Variants in PCDHA2 observed in about 807,000 individuals in gnomAD.
PCDHA2 encodes protocadherin alpha-2.
In PCDHA2, 58 loss-of-function variants were observed where a neutral mutation model predicts 66.0. The observed-to-expected ratio is 0.88, with a 90% CI of 0.71 to 1.09. The LOEUF is 1.09. Among genes scored for constraint, PCDHA2 ranks in the 50% least tolerant of loss-of-function variants. The pLI is 0.00. For synonymous variants in PCDHA2, 634 were observed against 554.0 expected (o/e 1.14, Z -2.03); for missense variants, 1,267 against 1,242.3 (o/e 1.02, Z -0.30).
chr5:140,929,522 T>G, intron 1 of PCDHA2: 1 of 727,900 alleles, frequency 1.4e-6, no homozygotes. Context: ...GACTTATAGT[T>G]TATTTTTGAG....
At chr5:140,885,985 G>A (rs879977606) in intron 1 of PCDHA2, among the ~76,000 whole-genome samples, 3 of 152,110 alleles carry the variant, frequency 2.0e-5, no homozygotes, top group Admixed American at 2.0e-4. Context: ...AGATTCGCAT[G>A]TGGTTGAAAG....
chr5:140,824,610 G>GTTGTTTTTTTTTT (rs1768193318), intron 1 of PCDHA2: 13 of 95,104 alleles, frequency 1.4e-4, no homozygotes, highest in African/African-American at 5.8e-4. Context: ...GCTAATTAAA[G>GTTGTTTTTTTTTT]TTTTTTTTTT....
At chr5:140,869,775 C>A (rs2051402857) in intron 1 of PCDHA2, 5 of 1,612,980 alleles carry the variant, frequency 3.1e-6, no homozygotes, top group Non-Finnish European at 4.2e-6. Flanking sequence ...AGCTTACTGG[C>A]ACCGTTCGGC....
chr5:140,824,408 C>G (rs2150134357), intron 1 of PCDHA2: 1 of 535,032 alleles, frequency 1.9e-6, no homozygotes, highest in Non-Finnish European at 3.3e-6. Context: ...AATTGTAAGA[C>G]ATAGTTTGGA....
chr5:140,824,704 C>G (rs1241978054), intron 1 of PCDHA2: 1 of 144,904 alleles, frequency 6.9e-6, no homozygotes, highest in Non-Finnish European at 1.5e-5. Context: ...AAGCCATGCT[C>G]CCGTCTCAGC....
At chr5:140,953,932 C>T (rs1005245846) in intron 1 of PCDHA2, among the ~76,000 whole-genome samples, 1 of 152,060 alleles carries the variant, frequency 6.6e-6, no homozygotes, top group Admixed American at 6.6e-5. Flanking sequence ...CTGATGCTCT[C>T]CCTCCCATTG....
chr5:140,801,140 A>G, intron 1 of PCDHA2: 1 of 1,526,560 alleles, frequency 6.6e-7, no homozygotes, highest in Non-Finnish European at 8.8e-7. Context: ...AGGAACTCGA[A>G]TTATTTTTAA....
rs782692143 is a variant in PCDHA2 at position 140,796,820 on chromosome 5, G to C, written c.1856G>C (p.Arg619Pro). 5 of 1,614,132 alleles carry C rather than the reference G, an allele frequency of 3.1e-6. No homozygotes were observed. In the South Asian group the frequency reaches 4.4e-5, roughly 14 times the overall value. Residue 619 changes from arginine (R) to proline (P), a missense_variant, in exon 1 of 4, where the codon CGC becomes CCC. Coordinates refer to ENST00000526136, the MANE Select transcript of PCDHA2 (RefSeq NM_018905.3). Reference protein sequence around the residue: ...YELQLGTGSARIPFRVGLYTG... With the variant: ...YELQLGTGSAPIPFRVGLYTG... ...CTTCAGCTGGGTACTGGCAGCGCTC[G>C]CATCCCGTTCCGCGTGGGGCTATAC...
chr5:140,808,339 G>C, intron 1 of PCDHA2: 1 of 1,614,246 alleles, frequency 6.2e-7, no homozygotes, highest in East Asian at 2.2e-5. Context: ...TCAATGGGCT[G>C]GTCACCTGCT....
intron 1 of PCDHA2, chr5:140,929,010 G>C (rs1554206575): frequency 6.2e-7 from 1 of 1,614,128 alleles, no homozygotes; most frequent in Non-Finnish European, 8.5e-7. Flanking sequence ...TGTGTACCAA[G>C]TTGCACCAGA....
intron 1 of PCDHA2, among the ~76,000 whole-genome samples, chr5:140,890,099 A>G (rs1301934861): frequency 2.0e-5 from 3 of 152,086 alleles, no homozygotes; most frequent in African/African-American, 7.2e-5. Context: ...TTTATTCCCA[A>G]CTCTGGATTC....
intron 1 of PCDHA2, chr5:140,822,093 G>A: frequency 6.2e-7 from 1 of 1,614,262 alleles, no homozygotes; most frequent in South Asian, 1.1e-5. Flanking sequence ...TCCACCTGGA[G>A]GTGATCGTGG....
At chr5:140,935,894 C>CT (rs55841305) in intron 1 of PCDHA2, among the ~76,000 whole-genome samples, 11,084 of 136,696 alleles carry the variant, frequency 0.081, 520 homozygotes, top group Middle Eastern at 0.14. Context: ...TCAATATTAT[C>CT]TTTTTTTTTT....
rs781990926 is a variant in PCDHA2, at chr5:140,809,277, A to G, written c.2388+11925A>G. 3.7e-6 allele frequency: 6 copies of G among 1,614,112 alleles called. No individual in the cohort carries two copies. The East Asian group carries it at 6.7e-5, about 18-fold the overall frequency. On this transcript the variant is annotated intron_variant, in intron 1 of 3. Transcript: ENST00000526136. Reference sequence around the variant, plus strand: ...CCCGATGCTGCGCTGGTGGATGTCAACGTATACCTGATCATTGCCATCTGC... The same window carrying G: ...CCCGATGCTGCGCTGGTGGATGTCAGCGTATACCTGATCATTGCCATCTGC...
intron 1 of PCDHA2, chr5:140,871,041 T>G (rs782091626): frequency 6.2e-7 from 1 of 1,613,310 alleles, no homozygotes; most frequent in South Asian, 1.1e-5. Flanking sequence ...GCCACCGACT[T>G]CTAGTACTGG....
At position 140,830,439 on chromosome 5, in the gene PCDHA2, T is replaced by A. The variant is rs1771065522; in HGVS notation, c.2388+33087T>A. On this transcript the variant is annotated intron_variant, in intron 1 of 3. Coordinates refer to ENST00000526136, the MANE Select transcript of PCDHA2 (RefSeq NM_018905.3). ...AGCCTTTCACCTTGTCCTATTATGA[T>A]GGGTAAGGCGGAGAATCAGGATTTA... 1.9e-6 allele frequency: 3 copies of A among 1,611,160 alleles called. No individual in the cohort carries two copies. In the East Asian group the frequency reaches 6.7e-5, roughly 36 times the overall value.
Position 140,849,731 on chromosome 5 carries a change from T to C in PCDHA2, c.2388+52379T>C, listed in dbSNP as rs2150447251. 21,072 of 1,598,236 alleles carry C rather than the reference T, an allele frequency of 0.013. 2,656 individuals are homozygous for C. In the African/African-American group the frequency reaches 0.2, roughly 15 times the overall value. ...ACTACTCGTTGGTGCTGGACAGAGC[T>C]CTGGACCGCGAGAGTGTGTCCGCCT... is the stretch of plus-strand genomic sequence containing the variant. On this transcript the variant is annotated intron_variant, in intron 1 of 3. Transcript: ENST00000526136.
At chr5:140,883,960 G>C in intron 1 of PCDHA2, 5 of 1,613,090 alleles carry the variant, frequency 3.1e-6, no homozygotes, top group Non-Finnish European at 4.2e-6. Flanking sequence ...ACGCTCCGGC[G>C]CTGCTGACGC....
chr5:140,891,440 G>T (rs1583052190), intron 1 of PCDHA2, among the ~76,000 whole-genome samples: 1 of 147,558 alleles, frequency 6.8e-6, no homozygotes, highest in Admixed American at 6.9e-5. Flanking sequence ...AACGTCCATT[G>T]TATAGGATTT....
Sources: gnomAD v4.1 joint callset for allele counts (sites outside exome capture counted in the v4.1 genomes callset) on GRCh38, gnomAD v4.1.1 for gene constraint, MANE v1.5 for transcripts, NCBI Gene and HGNC (gene_info 2026-07-23, HGNC 2026-07-21) for gene names.